The following ANKRD44 variants were observed in gnomAD, a reference collection of about 807,000 sequenced individuals.
The protein encoded by ANKRD44 is ankyrin repeat domain 44, also known as serine/threonine-protein phosphatase 6 regulatory ankyrin repeat subunit B.
A neutral mutation model predicts 116.0 loss-of-function variants in ANKRD44; 35 were observed. The ratio of observed to expected loss-of-function variants is 0.30; its 90% CI spans 0.23 to 0.40. ANKRD44 has a LOEUF of 0.40. ANKRD44 is among the 10% of genes least tolerant of loss of function. The pLI is 1.00. For synonymous variants in ANKRD44, 435 were observed against 461.8 expected (o/e 0.94, Z 0.74); for missense variants, 1,014 against 1,242.6 (o/e 0.82, Z 2.77).
chr2:197,269,210 A>G (rs1274544887), intron 1 of ANKRD44, among the ~76,000 whole-genome samples: 2 of 152,222 alleles, frequency 1.3e-5, no homozygotes, highest in African/African-American at 4.8e-5. Context: ...GAGCAGAGTA[A>G]CATTTTATCC....
At chr2:197,176,583 G>T (rs866493551) in intron 2 of ANKRD44, among the ~76,000 whole-genome samples, 22 of 152,112 alleles carry the variant, frequency 1.4e-4, no homozygotes, top group African/African-American at 5.1e-4. Flanking sequence ...ATAGCAGCTT[G>T]GCTGTAAAGG....
At chr2:197,309,491 T>C (rs1369154296) in intron 1 of ANKRD44, among the ~76,000 whole-genome samples, 2 of 152,198 alleles carry the variant, frequency 1.3e-5, no homozygotes, top group Admixed American at 6.5e-5. Flanking sequence ...TGCACTTCAG[T>C]TGCAAGATGT....
At chr2:197,117,268 C>A (rs1026427842) in intron 8 of ANKRD44, among the ~76,000 whole-genome samples, 10 of 152,062 alleles carry the variant, frequency 6.6e-5, no homozygotes, top group Non-Finnish European at 1.5e-4. Flanking sequence ...TTGACAGAGT[C>A]TTGCTCTGTT....
At chr2:197,273,980 A>AAAAAAAAT (rs1553546147) in intron 1 of ANKRD44, among the ~76,000 whole-genome samples, 1 of 43,930 alleles carries the variant, frequency 2.3e-5, no homozygotes, top group African/African-American at 1.0e-4. Context: ...AAAAAAAAAA[A>AAAAAAAAT]ATATATATAT....
intron 1 of ANKRD44, among the ~76,000 whole-genome samples, chr2:197,190,785 T>C (rs1013848223): frequency 2.6e-5 from 4 of 152,220 alleles, no homozygotes; most frequent in African/African-American, 4.8e-5. Flanking sequence ...ATCATAACTT[T>C]TGCAGCTTTT....
intron 2 of ANKRD44, among the ~76,000 whole-genome samples, chr2:197,173,064 T>G (rs188431405): frequency 1.1e-4 from 16 of 152,338 alleles, no homozygotes; most frequent in African/African-American, 3.8e-4. Context: ...CTAACCAAAT[T>G]TATTAGTTTG....
chr2:197,210,177 G>A (rs927589767), intron 1 of ANKRD44, among the ~76,000 whole-genome samples: 3 of 152,200 alleles, frequency 2.0e-5, no homozygotes, highest in Non-Finnish European at 4.4e-5. Flanking sequence ...GAAGTTGGGT[G>A]TTTCGAATGG....
rs139261056 is a variant in ANKRD44, at chr2:197,019,728, G to A, written c.1722+5468C>T. Among the ~76,000 whole-genome samples the A allele has an allele frequency of 9.4e-3, 1,428 of 151,924 alleles. 8 individuals carry two copies. The highest frequency in any genetic ancestry group is 0.024 in the Middle Eastern group (7 of 290). ...AACAAATAATAGAGGATGGTATAATGAATTGCCGTATACCTTTCACGCAGT... is the reference window on the plus strand; with the variant it reads ...AACAAATAATAGAGGATGGTATAATAAATTGCCGTATACCTTTCACGCAGT... On this transcript the variant is annotated intron_variant, in intron 17 of 27. Transcript: ENST00000282272.
intron 2 of ANKRD44, among the ~76,000 whole-genome samples, chr2:197,178,206 C>T (rs536812317): frequency 9.4e-4 from 143 of 152,256 alleles, no homozygotes; most frequent in Non-Finnish European, 1.7e-3. Context: ...GTGGCTCACA[C>T]CTATAATTCC....
chr2:197,181,097 C>T (rs1425119861), intron 2 of ANKRD44, among the ~76,000 whole-genome samples: 1 of 152,130 alleles, frequency 6.6e-6, no homozygotes, highest in Non-Finnish European at 1.5e-5. Context: ...TAGCTTGCAC[C>T]TCCAGATTTA....
intron 1 of ANKRD44, among the ~76,000 whole-genome samples, chr2:197,187,618 A>G (rs185268849): frequency 4.5e-4 from 68 of 150,828 alleles, no homozygotes; most frequent in Non-Finnish European, 4.4e-5. Context: ...TAAGAAGAGG[A>G]AGAGACACCA....
chr2:197,070,692 C>T (rs1574398543), intron 16 of ANKRD44, among the ~76,000 whole-genome samples: 1 of 150,006 alleles, frequency 6.7e-6, no homozygotes, highest in East Asian at 1.9e-4. Context: ...ACATTGTGCT[C>T]GCTCTCGCTC....
intron 27 of ANKRD44, chr2:196,990,823 C>G: frequency 5.7e-6 from 7 of 1,232,250 alleles, no homozygotes; most frequent in Non-Finnish European, 7.1e-6. Context: ...AAGTTGACAG[C>G]CATCATTGTA....
chr2:197,024,948 G>T (rs896269619), intron 17 of ANKRD44, among the ~76,000 whole-genome samples: 3 of 152,082 alleles, frequency 2.0e-5, no homozygotes, highest in Non-Finnish European at 4.4e-5. Flanking sequence ...CTTTTCATTT[G>T]CCCTCATTTC....
chr2:197,046,736 C>A (rs1383923614), intron 16 of ANKRD44, among the ~76,000 whole-genome samples: 1 of 151,754 alleles, frequency 6.6e-6, no homozygotes, highest in Non-Finnish European at 1.5e-5. Context: ...TAATAGCAAG[C>A]ATATTTTAAA....
chr2:197,310,505 C>T, intron 1 of ANKRD44, 73 bp downstream of exon 1: 1 of 971,610 alleles, frequency 1.0e-6, no homozygotes, highest in Non-Finnish European at 1.2e-6. Flanking sequence ...TCCAGCCGCG[C>T]CCCCATCCCC....
chr2:197,004,338 T>C (rs977743678), intron 21 of ANKRD44, among the ~76,000 whole-genome samples: 1 of 152,102 alleles, frequency 6.6e-6, no homozygotes, highest in Non-Finnish European at 1.5e-5. Flanking sequence ...GAAAAAAACA[T>C]CCTAAACAAG....
chr2:197,062,048 T>C (rs1332512527), intron 16 of ANKRD44, among the ~76,000 whole-genome samples: 2 of 152,258 alleles, frequency 1.3e-5, no homozygotes, highest in African/African-American at 2.4e-5. Flanking sequence ...CCCAAAGTGC[T>C]TGGATTATAG....
At chr2:197,299,177 C>T (rs746921597) in intron 1 of ANKRD44, among the ~76,000 whole-genome samples, 13 of 152,026 alleles carry the variant, frequency 8.6e-5, no homozygotes, top group Admixed American at 3.3e-4. Flanking sequence ...TATTTCCTCT[C>T]CATCTTTTTT....
Sources: allele counts gnomAD v4.1 joint callset (sites outside exome capture counted in the v4.1 genomes callset), GRCh38; gene constraint gnomAD v4.1.1; transcripts MANE v1.5; gene names NCBI Gene and HGNC (gene_info 2026-07-23, HGNC 2026-07-21).